The following NCOA1 variants were observed in gnomAD, a reference collection of about 807,000 sequenced individuals.
NCOA1 encodes the protein nuclear receptor coactivator 1.
Under a neutral mutation model 150.9 loss-of-function variants are expected in NCOA1, and 35 were observed. The observed-to-expected ratio is 0.23, with a 90% CI of 0.18 to 0.31. NCOA1 has a LOEUF of 0.31. Ranked by LOEUF, NCOA1 falls within the 10% of genes least tolerant of loss-of-function variation. The pLI, the probability that NCOA1 is intolerant of heterozygous loss-of-function variation, is 1.00. For synonymous variants in NCOA1, 590 were observed against 630.0 expected (o/e 0.94, Z 0.95); for missense variants, 1,491 against 1,749.3 (o/e 0.85, Z 2.63).
chr2:24,735,887 AAG>A (rs1663273730), intron 17 of NCOA1, among the ~76,000 whole-genome samples: 1 of 152,174 alleles, frequency 6.6e-6, no homozygotes. Context: ...TTTTGGGAAA[AAG>A]AACAACAGCA....
chr2:24,620,330 G>A (rs190792715), intron 3 of NCOA1, among the ~76,000 whole-genome samples: 1 of 152,172 alleles, frequency 6.6e-6, no homozygotes, highest in Non-Finnish European at 1.5e-5. Flanking sequence ...TTGGCTGGGC[G>A]TGCTGGCTCA....
At chr2:24,733,708 C>T (rs1037285358) in intron 17 of NCOA1, among the ~76,000 whole-genome samples, 6 of 152,036 alleles carry the variant, frequency 3.9e-5, no homozygotes, top group African/African-American at 1.2e-4. Flanking sequence ...TGTGCCACTG[C>T]ACTCCACCCT....
At chr2:24,682,164 T>A in intron 7 of NCOA1, among the ~76,000 whole-genome samples, 1 of 152,244 alleles carries the variant, frequency 6.6e-6, no homozygotes, top group East Asian at 1.9e-4. Context: ...GTAAATGTTC[T>A]ATTTTTTCAG....
At chr2:24,565,732 GGT>G (rs2148265145) in intron 2 of NCOA1, among the ~76,000 whole-genome samples, 1 of 152,326 alleles carries the variant, frequency 6.6e-6, no homozygotes, top group Non-Finnish European at 1.5e-5. Context: ...AGCAGCAGGG[GGT>G]GTGTGAGCAA....
At chr2:24,625,593 C>T (rs1157873518) in intron 3 of NCOA1, among the ~76,000 whole-genome samples, 1 of 152,014 alleles carries the variant, frequency 6.6e-6, no homozygotes, top group Non-Finnish European at 1.5e-5. Context: ...AAGATAGAAC[C>T]TTGAAATCTA....
chr2:24,741,460 A>G (rs1289081477), intron 18 of NCOA1, among the ~76,000 whole-genome samples: 2 of 152,210 alleles, frequency 1.3e-5, no homozygotes, highest in African/African-American at 4.8e-5. Context: ...GGCCAATATT[A>G]TAATACTAAT....
chr2:24,517,839 A>G (rs531449336), intron 1 of NCOA1, among the ~76,000 whole-genome samples: 8 of 152,290 alleles, frequency 5.3e-5, no homozygotes, highest in Non-Finnish European at 1.0e-4. Flanking sequence ...TACAACTAGG[A>G]AGGGAATTAT....
At chr2:24,758,198 A>G in intron 21 of NCOA1, 42 bp downstream of exon 21, 1 of 1,511,482 alleles carries the variant, frequency 6.6e-7, no homozygotes, top group African/African-American at 1.4e-5. Flanking sequence ...ACCACATCAC[A>G]GTTAATTCTG....
chr2:24,602,115 T>C (rs1348025242), intron 3 of NCOA1, among the ~76,000 whole-genome samples: 1 of 152,206 alleles, frequency 6.6e-6, no homozygotes, highest in African/African-American at 2.4e-5. Context: ...TTAATGTAGC[T>C]GTCAGAGAGA....
At chr2:24,642,037 T>TGTGTGTGTGTGTGTGTGGGCGC (rs942145000) in intron 3 of NCOA1, among the ~76,000 whole-genome samples, 3 of 138,452 alleles carry the variant, frequency 2.2e-5, no homozygotes, top group Non-Finnish European at 1.6e-5. Context: ...TGTGTGTGTG[T>TGTGTGTGTGTGTGTGTGGGCGC]GCGCGCGTGC....
rs747532036 is a variant in NCOA1, at chr2:24,705,037, G to A, written c.950-49G>A. The A allele has an allele frequency of 1.8e-5, 28 of 1,587,098 alleles. No homozygotes were observed. The South Asian group carries it at 3.2e-4, about 18-fold the overall frequency. On this transcript the variant is annotated intron_variant, in intron 11 of 22. Transcript: ENST00000348332. Reference sequence around the variant, plus strand: ...AATAAAACCTGGTGACTTAAAGCCAGCGTATAAGTATCAGAATTTTAACTA... The same window carrying A: ...AATAAAACCTGGTGACTTAAAGCCAACGTATAAGTATCAGAATTTTAACTA...
At chr2:24,692,803 C>T (rs1367779998) in intron 9 of NCOA1, among the ~76,000 whole-genome samples, 1 of 152,218 alleles carries the variant, frequency 6.6e-6, no homozygotes, top group African/African-American at 2.4e-5. Context: ...TTCTAATACA[C>T]TATTAGATAA....
At chr2:24,662,795 T>C (rs1671242365) in intron 5 of NCOA1, among the ~76,000 whole-genome samples, 1 of 151,912 alleles carries the variant, frequency 6.6e-6, no homozygotes, top group South Asian at 2.1e-4. Flanking sequence ...ATTTTTTTTT[T>C]TTTCTGTTAA....
chr2:24,745,942 C>T (rs1663894596), intron 19 of NCOA1, among the ~76,000 whole-genome samples: 1 of 152,202 alleles, frequency 6.6e-6, no homozygotes, highest in African/African-American at 2.4e-5. Flanking sequence ...ATTCTTCCCT[C>T]CTCTCAGATA....
At chr2:24,571,501 T>G (rs2148281703) in intron 2 of NCOA1, among the ~76,000 whole-genome samples, 1 of 152,288 alleles carries the variant, frequency 6.6e-6, no homozygotes, top group African/African-American at 2.4e-5. Flanking sequence ...GAAGTAGACA[T>G]TAACTTGCAA....
At chr2:24,571,514 G>A (rs1666744322) in intron 2 of NCOA1, among the ~76,000 whole-genome samples, 1 of 152,078 alleles carries the variant, frequency 6.6e-6, no homozygotes, top group Non-Finnish European at 1.5e-5. Context: ...ACTTGCAAAG[G>A]TTACCCAGGT....
chr2:24,769,188 T>C lies in NCOA1; in HGVS notation c.*797T>C, dbSNP rs986498485. 2 of 197,554 alleles carry C rather than the reference T, an allele frequency of 1.0e-5. No individual in the cohort carries two copies. The highest frequency in any genetic ancestry group is 2.3e-5 in the African/African-American group (1 of 43,414). 12.2% of individuals were successfully genotyped at this position (197,554 alleles called of 1,614,324 possible). A position where few individuals can be genotyped will look rare whatever the true frequency, so the allele number is the denominator to read the frequency against. On this transcript the variant is annotated 3_prime_UTR_variant, in exon 23 of 23. Transcript: ENST00000348332. The stretch of plus-strand genomic sequence containing the variant: ...GGCAGCCTGTTTTTTCTGCTTTTAT[T>C]GTATTAACAGCTGAGGTAGCTAAAG...
At chr2:24,500,725 G>A (rs1663424564) in intron 1 of NCOA1, among the ~76,000 whole-genome samples, 1 of 152,096 alleles carries the variant, frequency 6.6e-6, no homozygotes, top group African/African-American at 2.4e-5. Flanking sequence ...AAGTTTGTTG[G>A]TCCTTTTTGT....
intron 3 of NCOA1, among the ~76,000 whole-genome samples, chr2:24,599,191 A>G (rs1279897367): frequency 2.0e-5 from 3 of 152,192 alleles, no homozygotes; most frequent in Non-Finnish European, 4.4e-5. Context: ...CAAGATGGGC[A>G]AGTGGAATAT....
Sources: gnomAD v4.1 joint callset for allele counts (sites outside exome capture counted in the v4.1 genomes callset) on GRCh38, gnomAD v4.1.1 for gene constraint, MANE v1.5 for transcripts, NCBI Gene and HGNC (gene_info 2026-07-23, HGNC 2026-07-21) for gene names.